PHF8: variants seen among roughly 807,000 people sequenced by gnomAD.
PHF8 encodes the protein histone lysine demethylase PHF8.
A neutral mutation model predicts 74.4 loss-of-function variants in PHF8; 9 were observed. The ratio of observed to expected loss-of-function variants is 0.12; its 90% CI spans 0.07 to 0.21. The LOEUF is 0.21. Ranked by LOEUF, PHF8 falls within the 10% of genes least tolerant of loss-of-function variation. The pLI, the probability that PHF8 is intolerant of heterozygous loss-of-function variation, is 1.00. For synonymous variants in PHF8, 311 were observed against 316.6 expected, an observed-to-expected ratio of 0.98 and a Z score of 0.19; for missense variants, 478 against 816.6, an observed-to-expected ratio of 0.59 and a Z score of 5.05.
chrX:54,007,849 C>T lies in PHF8; in HGVS notation c.946+3273G>A, dbSNP rs187909181. The stretch of plus-strand genomic sequence containing the variant: ...CTGCTTTGAAAACAGTTTGTCAGTT[C>T]CTCAAAAAGTTAAACACAGAGTTAC... On this transcript the variant is annotated intron_variant, in intron 8 of 21. Coordinates refer to ENST00000338154, the MANE Select transcript of PHF8 (RefSeq NM_015107.3). Among the ~76,000 whole-genome samples, 412 of 111,813 alleles carry T rather than the reference C, an allele frequency of 3.7e-3. 1 individual carries two copies. The highest frequency in any genetic ancestry group is 6.3e-3 in the Non-Finnish European group (337 of 53,165).
At chrX:53,995,910 A>T in intron 11 of PHF8, 128 bp from the exon 12 acceptor site, 1 of 429,764 alleles carries the variant, frequency 2.3e-6, no homozygotes, top group Non-Finnish European at 4.1e-6. Flanking sequence ...CCAATTGGAT[A>T]TCCACATGCA....
intron 18 of PHF8, among the ~76,000 whole-genome samples, chrX:53,972,755 C>T (rs1295504312): frequency 9.0e-6 from 1 of 111,470 alleles, no homozygotes; most frequent in East Asian, 2.8e-4. Context: ...AATGCCCTCT[C>T]TCGCCACTCC....
chrX:54,022,181 T>C, intron 4 of PHF8, 78 bp downstream of exon 4: 1 of 604,188 alleles, frequency 1.7e-6, no homozygotes, highest in Non-Finnish European at 2.9e-6. Flanking sequence ...GGACAGCCAC[T>C]GGGAAAGCTG....
Position 53,985,965 on chromosome X carries a change from T to C in PHF8, c.1996-16A>G. ...TATAGTCCTCCTGTTGGAGAGAGAG[T>C]GTATCACCTCAGCTGCCCAGGATTG... On this transcript the variant is annotated splice_polypyrimidine_tract_variant and intron_variant, in intron 16 of 21. Transcript: ENST00000338154. The C allele has an allele frequency of 1.7e-6, 2 of 1,207,065 alleles. No homozygotes were observed. Among genetic ancestry groups the C allele is most frequent in the Non-Finnish European group, 2.2e-6 (2 of 891,848 alleles).
chrX:53,948,727 T>C (rs1390125039), intron 19 of PHF8, among the ~76,000 whole-genome samples: 1 of 111,592 alleles, frequency 9.0e-6, no homozygotes, highest in Non-Finnish European at 1.9e-5. Context: ...CTTTTACATA[T>C]GTTTAAAAAT....
intron 21 of PHF8, among the ~76,000 whole-genome samples, chrX:53,939,538 C>A (rs1316861482): frequency 9.0e-6 from 1 of 111,554 alleles, no homozygotes; most frequent in African/African-American, 3.3e-5. Flanking sequence ...CAAGATCCTG[C>A]AGGGAGGTAA....
intron 11 of PHF8, among the ~76,000 whole-genome samples, chrX:53,998,030 C>A (rs1246726838): frequency 1.8e-5 from 2 of 112,450 alleles, no homozygotes; most frequent in East Asian, 5.6e-4. Context: ...TACATGTTGA[C>A]ATTTCTTCTT....
At position 54,017,642 on chromosome X, in the gene PHF8, A is replaced by T; in HGVS notation, c.454+19T>A. ...AGGAATGAACAATGTTACAGTTAAAAGGGTCTGTAGTGTCTTACCAACATA... is the reference window on the plus strand; with the variant it reads ...AGGAATGAACAATGTTACAGTTAAATGGGTCTGTAGTGTCTTACCAACATA... On this transcript the variant is annotated intron_variant, in intron 5 of 21. Transcript: ENST00000338154. The T allele has an allele frequency of 8.5e-7, 1 of 1,170,749 alleles. No homozygotes were observed.
chrX:53,989,402 T>G (rs2065623932), intron 14 of PHF8, among the ~76,000 whole-genome samples: 1 of 111,970 alleles, frequency 8.9e-6, no homozygotes, highest in African/African-American at 3.2e-5. Context: ...AAATGAACAT[T>G]GCCTTTGTCC....
chrX:53,980,995 T>G (rs1369189785), intron 18 of PHF8, among the ~76,000 whole-genome samples: 1 of 112,381 alleles, frequency 8.9e-6, no homozygotes, highest in Non-Finnish European at 1.9e-5. Context: ...GGTGGATCAC[T>G]TGAGGTCAGG....
At chrX:53,954,530 G>GA (rs1282427966) in intron 19 of PHF8, among the ~76,000 whole-genome samples, 1 of 73,202 alleles carries the variant, frequency 1.4e-5, no homozygotes, top group Non-Finnish European at 2.6e-5. Context: ...AAAAAGAAAA[G>GA]AAAAAATCAG....
intron 18 of PHF8, among the ~76,000 whole-genome samples, chrX:53,978,477 A>C (rs1199654486): frequency 1.8e-5 from 2 of 111,903 alleles, no homozygotes; most frequent in Admixed American, 9.5e-5. Context: ...CAAGCTTTTG[A>C]TATGCAACAA....
Position 54,043,898 on chromosome X carries a change from C to A in PHF8, c.-229G>T, listed in dbSNP as rs1340083320. ...GACTCCACGCCCGCGGAGCTCAGCC[C>A]CAGCGACACGCCGGCAGCCGGGCTA... On this transcript the variant is annotated 5_prime_UTR_variant, in exon 1 of 22. Transcript: ENST00000338154. 3 of 754,530 alleles carry A rather than the reference C, an allele frequency of 4.0e-6. No individual in the cohort carries two copies. Among genetic ancestry groups the A allele is most frequent in the Non-Finnish European group, 4.7e-6 (3 of 639,032 alleles). 62.2% of individuals were successfully genotyped at this position (754,530 alleles called of 1,213,427 possible).
intron 14 of PHF8, among the ~76,000 whole-genome samples, chrX:53,991,373 A>T (rs1193154127): frequency 1.8e-5 from 2 of 111,932 alleles, no homozygotes; most frequent in Non-Finnish European, 3.8e-5. Context: ...AAAACTTGGT[A>T]TAACAAGGCC....
At chrX:53,966,056 A>G (rs913170540) in intron 18 of PHF8, among the ~76,000 whole-genome samples, 28 of 112,309 alleles carry the variant, frequency 2.5e-4, no homozygotes, top group Non-Finnish European at 2.6e-4. Context: ...ATGTCTTAAC[A>G]AAAAGAACAA....
chrX:54,029,655 C>T (rs972193583), intron 2 of PHF8, among the ~76,000 whole-genome samples: 1 of 111,222 alleles, frequency 9.0e-6, no homozygotes, highest in Non-Finnish European at 1.9e-5. Flanking sequence ...GGGCCCTGCC[C>T]GGTGACTTAG....
At chrX:53,994,683 G>A (rs2065720096) in intron 12 of PHF8, among the ~76,000 whole-genome samples, 1 of 112,436 alleles carries the variant, frequency 8.9e-6, no homozygotes, top group South Asian at 3.7e-4. Flanking sequence ...TTTGACAGAT[G>A]GGACTGGAGG....
At chrX:54,027,424 C>T (rs2066284417) in intron 2 of PHF8, among the ~76,000 whole-genome samples, 1 of 111,178 alleles carries the variant, frequency 9.0e-6, no homozygotes, top group African/African-American at 3.3e-5. Context: ...AAAAGTCTCC[C>T]TCCCACCCTT....
chrX:53,946,694 A>G (rs2064837291), intron 19 of PHF8, among the ~76,000 whole-genome samples: 1 of 112,395 alleles, frequency 8.9e-6, no homozygotes, highest in Non-Finnish European at 1.9e-5. Context: ...ATTTAAACAA[A>G]TCTAATATAA....
Sources: allele counts gnomAD v4.1 joint callset (sites outside exome capture counted in the v4.1 genomes callset), GRCh38; gene constraint gnomAD v4.1.1; transcripts MANE v1.5; gene names NCBI Gene and HGNC (gene_info 2026-07-23, HGNC 2026-07-21).